The following MSR1 variants were observed in gnomAD, a reference collection of about 807,000 sequenced individuals.
MSR1 encodes the protein macrophage scavenger receptor 1.
MSR1 carries 53 observed loss-of-function variants against 47.2 expected under a neutral mutation model. The ratio of observed to expected loss-of-function variants is 1.12; its 90% CI spans 0.90 to 1.41. MSR1 has a LOEUF of 1.41. Ranked by LOEUF, MSR1 falls within the 40% of genes most tolerant of loss-of-function variation. The pLI, the probability that MSR1 is intolerant of heterozygous loss-of-function variation, is 0.00. For missense variants in MSR1, 786 were observed against 546.9 expected (o/e 1.44, Z -4.36); for synonymous variants, 239 against 185.6 (o/e 1.29, Z -2.34).
intron 8 of MSR1, chr8:16,139,609 T>C (rs550122014): frequency 1.0e-6 from 1 of 975,056 alleles, no homozygotes; most frequent in African/African-American, 1.8e-5. Context: ...TAAGAGATTT[T>C]TAGAACAAAA....
At chr8:16,111,177 T>G (rs1006604108) in intron 9 of MSR1, among the ~76,000 whole-genome samples, 16 of 152,250 alleles carry the variant, frequency 1.1e-4, no homozygotes, top group African/African-American at 3.8e-4. Context: ...ATAAAAACTT[T>G]TTGAAAGCCT....
In MSR1 at chr8:16,183,192, G is replaced by A. The variant is rs78811503; in HGVS notation, c.-4-5200C>T. ...CCCCTTCTCCACATGTTTGATTATGGCTTTGATCCTCACATTTGAGATATT... is the reference window on the plus strand; with the variant it reads ...CCCCTTCTCCACATGTTTGATTATGACTTTGATCCTCACATTTGAGATATT... On this transcript the variant is annotated intron_variant, in intron 1 of 9. Coordinates refer to ENST00000262101, the MANE Select transcript of MSR1 (RefSeq NM_138715.3). Among the ~76,000 whole-genome samples, 618 of 152,104 alleles carry A rather than the reference G, an allele frequency of 4.1e-3. 14 individuals are homozygous for A. The highest frequency in any genetic ancestry group is 0.015 in the East Asian group (76 of 5,166).
rs557668775 is a variant in MSR1, at chr8:16,162,773, C to A, written c.817+1292G>T. ...CTTGCAGGTATCTGGTGACAAGTTT[C>A]TTGCAGGAGGGACCTACATGTTCTG... On this transcript the variant is annotated intron_variant, in intron 5 of 9. Coordinates refer to ENST00000262101, the MANE Select transcript of MSR1 (RefSeq NM_138715.3). Among the ~76,000 whole-genome samples, 10 of 151,998 alleles carry A rather than the reference C, an allele frequency of 6.6e-5. No individual in the cohort carries two copies. The South Asian group carries it at 2.1e-3, about 32-fold the overall frequency.
chr8:16,165,180 A>C (rs759707896), intron 4 of MSR1, among the ~76,000 whole-genome samples: 1 of 152,086 alleles, frequency 6.6e-6, no homozygotes, highest in Non-Finnish European at 1.5e-5. Context: ...ACTAAACATT[A>C]AACAGCATTT....
chr8:16,172,839 A>G, intron 3 of MSR1, among the ~76,000 whole-genome samples: 1 of 152,236 alleles, frequency 6.6e-6, no homozygotes, highest in Middle Eastern at 3.4e-3. Context: ...CACTTCACAG[A>G]GTTTTATATA....
chr8:16,149,748 T>G (rs1800796061), intron 7 of MSR1, among the ~76,000 whole-genome samples: 3 of 152,154 alleles, frequency 2.0e-5, no homozygotes, highest in Non-Finnish European at 4.4e-5. Context: ...GGATAGGATT[T>G]CAGACTTCTC....
In MSR1 at chr8:16,143,547, T is replaced by C. The variant is rs763237092; in HGVS notation, c.1033+11A>G. ...AGAATTCACACAGAAAACAAAATAC[T>C]ATATACTTACTTAATGTGTTTCCAC... is the stretch of plus-strand genomic sequence containing the variant. On this transcript the variant is annotated intron_variant, in intron 8 of 9. Coordinates refer to ENST00000262101, the MANE Select transcript of MSR1 (RefSeq NM_138715.3). The C allele has an allele frequency of 1.9e-6, 3 of 1,609,622 alleles. No homozygotes were observed. Among genetic ancestry groups the C allele is most frequent in the Non-Finnish European group, 2.6e-6 (3 of 1,176,360 alleles).
At chr8:16,175,417 G>C in intron 2 of MSR1, 117 bp from the exon 3 acceptor site, 1 of 898,870 alleles carries the variant, frequency 1.1e-6, no homozygotes, top group Admixed American at 2.4e-5. Flanking sequence ...TAAAAAAGAA[G>C]AAAAAATGTT....
intron 1 of MSR1, among the ~76,000 whole-genome samples, chr8:16,178,584 T>C (rs1447861280): frequency 6.6e-6 from 1 of 152,208 alleles, no homozygotes; most frequent in Non-Finnish European, 1.5e-5. Context: ...TGTGTCTTTA[T>C]ACCAGCATGA....
At chr8:16,186,065 G>A in intron 1 of MSR1, 4 of 1,102,414 alleles carry the variant, frequency 3.6e-6, no homozygotes, top group Non-Finnish European at 5.2e-6. Context: ...TTCCTGTGTG[G>A]TAGAAGCAGA....
At chr8:16,110,699 T>C (rs1563135172) in intron 9 of MSR1, among the ~76,000 whole-genome samples, 1 of 152,138 alleles carries the variant, frequency 6.6e-6, no homozygotes, top group Non-Finnish European at 1.5e-5. Context: ...TCTTCCCGTG[T>C]ATTTCAATTT....
chr8:16,180,472 C>G (rs190287323), intron 1 of MSR1, among the ~76,000 whole-genome samples: 4 of 152,150 alleles, frequency 2.6e-5, no homozygotes, highest in Admixed American at 6.5e-5. Context: ...ATTTTAAGAA[C>G]CTTTTCCATA....
intron 1 of MSR1, among the ~76,000 whole-genome samples, chr8:16,186,482 GTCT>G (rs973359818): frequency 6.6e-6 from 1 of 152,046 alleles, no homozygotes; most frequent in Non-Finnish European, 1.5e-5. Flanking sequence ...AAACCTAGAG[GTCT>G]TCTTTTCCTC....
intron 4 of MSR1, 120 bp from the exon 5 acceptor site, chr8:16,164,371 A>G (rs1293446188): frequency 6.6e-6 from 5 of 754,050 alleles, no homozygotes; most frequent in Non-Finnish European, 8.7e-6. Flanking sequence ...TTTATGGAAT[A>G]AGAATATAGA....
Position 16,175,372 on chromosome 8 carries a change from C to T in MSR1, c.104-72G>A, listed in dbSNP as rs948536105. ...CTTCCATAATTAAAATTGTTTTAAT[C>T]TCCAATTATATTCTTACTACCAAGC... On this transcript the variant is annotated intron_variant, in intron 2 of 9. Coordinates refer to ENST00000262101, the MANE Select transcript of MSR1 (RefSeq NM_138715.3). 4.9e-6 allele frequency: 6 copies of T among 1,215,470 alleles called. No individual in the cohort carries two copies. In the African/African-American group the frequency reaches 9.0e-5, roughly 18 times the overall value. The allele number at this position is 1,215,470 out of a possible 1,614,324, so 75.3% of individuals were successfully genotyped here.
At chr8:16,183,319 A>G (rs1801890567) in intron 1 of MSR1, among the ~76,000 whole-genome samples, 1 of 151,932 alleles carries the variant, frequency 6.6e-6, no homozygotes, top group Non-Finnish European at 1.5e-5. Context: ...GAATCTGATA[A>G]ACATCTTTAC....
At chr8:16,182,276 C>G (rs532549549) in intron 1 of MSR1, among the ~76,000 whole-genome samples, 148 of 152,284 alleles carry the variant, frequency 9.7e-4, no homozygotes, top group African/African-American at 3.4e-3. Context: ...ATGAAACTTG[C>G]AGGACTGGAA....
intron 3 of MSR1, among the ~76,000 whole-genome samples, chr8:16,172,631 G>A (rs369206081): frequency 6.6e-6 from 1 of 151,916 alleles, no homozygotes; most frequent in African/African-American, 2.4e-5. Context: ...ACCCCAAATG[G>A]ATATTGTTTT....
intron 4 of MSR1, among the ~76,000 whole-genome samples, chr8:16,165,862 C>T (rs766911092): frequency 1.3e-5 from 2 of 152,080 alleles, no homozygotes; most frequent in African/African-American, 4.8e-5. Context: ...CCAAACAAAA[C>T]CTTATTCTAG....
Sources: allele counts gnomAD v4.1 joint callset (sites outside exome capture counted in the v4.1 genomes callset), GRCh38; gene constraint gnomAD v4.1.1; transcripts MANE v1.5; gene names NCBI Gene and HGNC (gene_info 2026-07-23, HGNC 2026-07-21).